The following SLC6A13 variants were observed in gnomAD, a reference collection of about 807,000 sequenced individuals.
The protein encoded by SLC6A13 is sodium- and chloride-dependent GABA transporter 2.
In SLC6A13, 69 loss-of-function variants were observed where a neutral mutation model predicts 72.9. The observed-to-expected ratio is 0.95, with a 90% confidence interval of 0.78 to 1.16. The LOEUF is 1.16. Ranked by LOEUF, SLC6A13 falls within the 50% of genes most tolerant of loss-of-function variation. The pLI, the probability that SLC6A13 is intolerant of heterozygous loss-of-function variation, is 0.00. For missense variants in SLC6A13, 735 were observed against 760.5 expected (o/e 0.97, Z 0.39); for synonymous variants, 303 against 303.0 (o/e 1.00, Z 0.00).
rs748282867 is a variant in SLC6A13, at chr12:224,113, C to A, written c.1190G>T (p.Ser397Ile). The change falls in exon 11 of 15, where the codon AGC becomes ATC. Residue 397 changes from serine (S) to isoleucine (I), a missense_variant. Transcript: ENST00000343164. ...GLDSQFVCVE[S>I]LVTALVDMYP... ...CATGTCCACCAGCGCTGTCACCAGGCTTTCTACACACACAAACTGGATGAC... is the reference window on the plus strand; with the variant it reads ...CATGTCCACCAGCGCTGTCACCAGGATTTCTACACACACAAACTGGATGAC... 48 of 1,614,054 alleles carry A rather than the reference C, an allele frequency of 3.0e-5. No homozygotes were observed. Among genetic ancestry groups the A allele is most frequent in the Non-Finnish European group, 4.0e-5 (47 of 1,180,038 alleles).
At chr12:223,084 C>T in intron 12 of SLC6A13, 48 bp downstream of exon 12, 2 of 1,181,528 alleles carry the variant, frequency 1.7e-6, no homozygotes, top group Non-Finnish European at 2.5e-6. Flanking sequence ...GACCCCAAGA[C>T]CCTTAGACAA....
At chr12:236,305 C>A (rs1941929393) in intron 6 of SLC6A13, among the ~76,000 whole-genome samples, 1 of 152,246 alleles carries the variant, frequency 6.6e-6, no homozygotes, top group Admixed American at 6.5e-5. Context: ...GTCTGAGACT[C>A]AGGTGGGCAT....
In SLC6A13 at chr12:233,265, C is replaced by T. The variant is rs564578047; in HGVS notation, c.831+1825G>A. On this transcript the variant is annotated intron_variant, in intron 7 of 14. Transcript: ENST00000343164. The stretch of plus-strand genomic sequence containing the variant: ...GGGCCTCTGGGGCGGAGCTTACCCA[C>T]GCACCCCTCCGGCCCTCGACACCTC... Among the ~76,000 whole-genome samples, 65 of 152,278 alleles carry T rather than the reference C, an allele frequency of 4.3e-4. 1 individual carries two copies. The highest frequency in any genetic ancestry group is 3.2e-3 in the Admixed American group (49 of 15,298).
intron 2 of SLC6A13, among the ~76,000 whole-genome samples, chr12:245,873 T>C (rs1421761659): frequency 6.6e-6 from 1 of 151,380 alleles, no homozygotes; most frequent in Admixed American, 6.6e-5. Flanking sequence ...ATCCCAGCAC[T>C]TTGGGAGGCT....
chr12:231,483 A>G (rs964964463), intron 7 of SLC6A13, among the ~76,000 whole-genome samples: 1 of 151,994 alleles, frequency 6.6e-6, no homozygotes, highest in Admixed American at 6.6e-5. Flanking sequence ...AAGCACCCCC[A>G]CCCTGCAGGT....
At chr12:226,870 C>T (rs1349659458) in intron 8 of SLC6A13, 2 of 193,454 alleles carry the variant, frequency 1.0e-5, no homozygotes, top group African/African-American at 4.7e-5. Context: ...ATCATCCCAT[C>T]TGGCATGCTA....
At chr12:238,208 A>C in intron 4 of SLC6A13, 198 bp from the exon 5 acceptor site, 1 of 1,526,346 alleles carries the variant, frequency 6.6e-7, no homozygotes, top group Non-Finnish European at 8.8e-7. Context: ...GCACACTTGG[A>C]CATGTGGGTA....
rs372614677 is a variant in SLC6A13, at chr12:224,126, C to A, written c.1177G>T (p.Val393Leu). 6 of 1,614,068 alleles carry A rather than the reference C, an allele frequency of 3.7e-6. No individual in the cohort carries two copies. Among genetic ancestry groups the A allele is most frequent in the Non-Finnish European group, 5.1e-6 (6 of 1,180,038 alleles). ...VVLLGLDSQF[V>L]CVESLVTALV... Reference sequence around the variant, plus strand: ...GCTGTCACCAGGCTTTCTACACACACAAACTGGATGACAGGGCAAAGGGAT... The same window carrying A: ...GCTGTCACCAGGCTTTCTACACACAAAAACTGGATGACAGGGCAAAGGGAT... Residue 393 changes from valine (V) to leucine (L), a missense_variant, in exon 11 of 15, where the codon GTG becomes TTG. Physicochemically the swap from Val to Leu is conservative, Grantham distance 32 (BLOSUM62 1). Coordinates refer to ENST00000343164, the MANE Select transcript of SLC6A13 (RefSeq NM_016615.5).
At chr12:248,153 G>A (rs510384) in intron 2 of SLC6A13, among the ~76,000 whole-genome samples, 127,676 of 152,088 alleles carry the variant, frequency 0.84, 53,979 homozygotes, top group Non-Finnish European at 0.9. Flanking sequence ...TGGTCTAAAC[G>A]TCCCAAATAA....
chr12:252,601 A>G (rs1004838055), intron 2 of SLC6A13, among the ~76,000 whole-genome samples: 7 of 152,344 alleles, frequency 4.6e-5, no homozygotes, highest in African/African-American at 1.7e-4. Context: ...TCATGAGGAC[A>G]AAGAAGGAAA....
rs757976000 is a variant in SLC6A13, at chr12:223,228, T to G, written c.1318A>C (p.Met440Leu). 1 of 1,608,100 alleles carries G rather than the reference T, an allele frequency of 6.2e-7. No homozygotes were observed. The highest frequency in any genetic ancestry group is 1.1e-5 in the South Asian group (1 of 90,714). ...TAGTCAAAGAGCTGGAACACGTACA[T>G]TCCGCCCTGCATGGGAGGAGATTAT... ...VGLIMLTEGGMYVFQLFDYYA... is the reference protein window; with the variant it reads ...VGLIMLTEGGLYVFQLFDYYA... The change falls in exon 12 of 15, where the codon ATG becomes CTG. Residue 440 changes from methionine to leucine, a missense_variant. Met to Leu is a conservative substitution (Grantham distance 15, BLOSUM62 2). Coordinates refer to ENST00000343164, the MANE Select transcript of SLC6A13 (RefSeq NM_016615.5).
At chr12:241,260 G>A (rs908624664) in intron 4 of SLC6A13, among the ~76,000 whole-genome samples, 10 of 152,154 alleles carry the variant, frequency 6.6e-5, no homozygotes, top group African/African-American at 1.7e-4. Context: ...CCAAGATCGC[G>A]CCACTGCACT....
intron 2 of SLC6A13, among the ~76,000 whole-genome samples, chr12:245,973 C>A (rs1272469666): frequency 6.6e-6 from 1 of 151,718 alleles, no homozygotes; most frequent in Non-Finnish European, 1.5e-5. Context: ...AAAAAATTAG[C>A]CGGGTGTGGT....
chr12:241,860 C>T (rs1238272994), intron 4 of SLC6A13, among the ~76,000 whole-genome samples: 1 of 152,256 alleles, frequency 6.6e-6, no homozygotes, highest in African/African-American at 2.4e-5. Flanking sequence ...AGCAACGCTT[C>T]AGCCAACAGT....
At chr12:221,984 C>T (rs980299298) in intron 13 of SLC6A13, among the ~76,000 whole-genome samples, 31 of 152,208 alleles carry the variant, frequency 2.0e-4, no homozygotes, top group African/African-American at 6.8e-4. Flanking sequence ...GGAAGCTGCG[C>T]GTTGTGGTTT....
intron 2 of SLC6A13, among the ~76,000 whole-genome samples, chr12:248,429 T>C: frequency 7.0e-6 from 1 of 141,882 alleles, no homozygotes; most frequent in East Asian, 2.1e-4. Context: ...AAAAAAGATA[T>C]ACCATGCTAA....
Position 226,528 on chromosome 12 carries a change from G to A in SLC6A13, c.936-14C>T. The A allele has an allele frequency of 6.2e-7, 1 of 1,612,772 alleles. No individual in the cohort carries two copies. Among genetic ancestry groups the A allele is most frequent in the Non-Finnish European group, 8.5e-7 (1 of 1,179,318 alleles). On this transcript the variant is annotated splice_polypyrimidine_tract_variant and intron_variant, in intron 8 of 14. Coordinates refer to ENST00000343164, the MANE Select transcript of SLC6A13 (RefSeq NM_016615.5). The stretch of plus-strand genomic sequence containing the variant: ...GCGATGCAGTCCCTGTGGGGCAGGG[G>A]TGAGGAGAGGGCGGAATGGCAGGGT...
At chr12:247,782 TATAAC>T (rs1942404800) in intron 2 of SLC6A13, among the ~76,000 whole-genome samples, 5 of 152,180 alleles carry the variant, frequency 3.3e-5, no homozygotes, top group African/African-American at 4.8e-5. Context: ...ATATTGATTT[TATAAC>T]ATATAAAAAT....
intron 1 of SLC6A13, among the ~76,000 whole-genome samples, chr12:262,108 C>A (rs1229574985): frequency 6.6e-6 from 1 of 152,092 alleles, no homozygotes; most frequent in Non-Finnish European, 1.5e-5. Flanking sequence ...CCTTTACCAG[C>A]TGATGGATCT....
Sources: allele counts gnomAD v4.1 joint callset (sites outside exome capture counted in the v4.1 genomes callset), GRCh38; gene constraint gnomAD v4.1.1; transcripts MANE v1.5; gene names NCBI Gene and HGNC (gene_info 2026-07-23, HGNC 2026-07-21).